Variants in PTPRD observed in about 807,000 individuals in gnomAD.
The protein encoded by PTPRD is receptor-type tyrosine-protein phosphatase delta.
In PTPRD, 34 loss-of-function variants were observed where a neutral mutation model predicts 214.5. The observed-to-expected ratio is 0.16, with a 90% CI of 0.12 to 0.21. The LOEUF (loss-of-function observed/expected upper bound fraction) is 0.21. PTPRD is among the 10% of genes least tolerant of loss of function. The probability of loss-of-function intolerance (pLI) is 1.00; values close to 1 mark genes in which losing one functional copy is unlikely to be tolerated. For synonymous variants in PTPRD, 1,128 were observed against 845.7 expected (o/e 1.33, Z -5.79); for missense variants, 2,545 against 2,398.7 (o/e 1.06, Z -1.27).
At chr9:8,965,812 A>T (rs2099190454) in intron 11 of PTPRD, among the ~76,000 whole-genome samples, 2 of 152,192 alleles carry the variant, frequency 1.3e-5, no homozygotes, top group Non-Finnish European at 2.9e-5. Context: ...ATAAAGAAAT[A>T]AAAGGCATCC....
intron 4 of PTPRD, among the ~76,000 whole-genome samples, chr9:9,967,410 C>T (rs2094780885): frequency 1.3e-5 from 2 of 152,108 alleles, no homozygotes; most frequent in Admixed American, 1.3e-4. Context: ...AGCCTCTTCC[C>T]ATCCTGTTTT....
At chr9:9,615,804 A>G (rs1281643687) in intron 7 of PTPRD, among the ~76,000 whole-genome samples, 1 of 152,308 alleles carries the variant, frequency 6.6e-6, no homozygotes, top group Non-Finnish European at 1.5e-5. Flanking sequence ...TCCACATTTT[A>G]CAGATGAAGT....
At chr9:9,172,335 A>G (rs943844628) in intron 10 of PTPRD, among the ~76,000 whole-genome samples, 1 of 152,184 alleles carries the variant, frequency 6.6e-6, no homozygotes, top group African/African-American at 2.4e-5. Flanking sequence ...AATAAAGTCA[A>G]CAATGACACA....
At chr9:9,078,089 A>T (rs1404213910) in intron 10 of PTPRD, among the ~76,000 whole-genome samples, 1 of 152,128 alleles carries the variant, frequency 6.6e-6, no homozygotes, top group Non-Finnish European at 1.5e-5. Context: ...AGACCTTCAT[A>T]TAACATTTGA....
At chr9:10,445,338 G>T (rs905163013) in intron 2 of PTPRD, among the ~76,000 whole-genome samples, 1 of 152,026 alleles carries the variant, frequency 6.6e-6, no homozygotes, top group African/African-American at 2.4e-5. Context: ...AATGTTGTTG[G>T]AGTTGCATTT....
intron 14 of PTPRD, among the ~76,000 whole-genome samples, chr9:8,603,170 T>A (rs2154279187): frequency 6.6e-6 from 1 of 152,360 alleles, no homozygotes; most frequent in African/African-American, 2.4e-5. Context: ...AAACTTGCAT[T>A]GACTTCAGAG....
intron 11 of PTPRD, among the ~76,000 whole-genome samples, chr9:8,852,915 G>C (rs1455864923): frequency 6.6e-6 from 1 of 152,170 alleles, no homozygotes; most frequent in Non-Finnish European, 1.5e-5. Context: ...AGGGAGGAGG[G>C]AGGCACTGCA....
intron 5 of PTPRD, among the ~76,000 whole-genome samples, chr9:9,871,834 G>T (rs1018306022): frequency 1.3e-5 from 2 of 152,144 alleles, no homozygotes; most frequent in East Asian, 1.9e-4. Context: ...GGGCCTGGGG[G>T]GAGGGGTTGG....
chr9:9,012,159 C>G (rs1262533094), intron 11 of PTPRD, among the ~76,000 whole-genome samples: 3 of 152,092 alleles, frequency 2.0e-5, no homozygotes, highest in Non-Finnish European at 4.4e-5. Flanking sequence ...CAGCCAAAGC[C>G]AAAGCCCTCA....
intron 10 of PTPRD, among the ~76,000 whole-genome samples, chr9:9,126,961 C>T (rs1461675143): frequency 6.6e-6 from 1 of 151,834 alleles, no homozygotes; most frequent in Non-Finnish European, 1.5e-5. Context: ...GAACAGGATG[C>T]CATCCCATCG....
At chr9:8,837,552 G>C (rs1341318200) in intron 11 of PTPRD, among the ~76,000 whole-genome samples, 1 of 152,184 alleles carries the variant, frequency 6.6e-6, no homozygotes, top group Middle Eastern at 3.4e-3. Context: ...GCCCAGACTG[G>C]AGTACAGTAG....
rs1330821573 is a variant in PTPRD, at chr9:8,549,350, T to C, written c.353-20571A>G. On this transcript the variant is annotated intron_variant, in intron 14 of 45. Coordinates refer to ENST00000381196, the MANE Select transcript of PTPRD (RefSeq NM_002839.4). ...CAGCAGGCAGGGATGATGTCACTAATATAAAAGACACAAGAAGAGACAGAG... is the reference window on the plus strand; with the variant it reads ...CAGCAGGCAGGGATGATGTCACTAACATAAAAGACACAAGAAGAGACAGAG... Among the ~76,000 whole-genome samples, 3 of 152,190 alleles carry C rather than the reference T, an allele frequency of 2.0e-5. No homozygotes were observed. In the East Asian group the frequency reaches 5.8e-4, roughly 29 times the overall value.
intron 8 of PTPRD, among the ~76,000 whole-genome samples, chr9:9,559,107 C>T (rs146131427): frequency 1.3e-5 from 2 of 152,234 alleles, no homozygotes; most frequent in African/African-American, 4.8e-5. Flanking sequence ...TGTAGCCTGT[C>T]CTGCCACACT....
rs1590952045 is a variant in PTPRD at position 9,533,911 on chromosome 9, T to G, written c.-237+40821A>C. ...ATACTTTTCCATATTTATCTCCTTT[T>G]TACTGTATCCTTACTTAAGATGTAA... On this transcript the variant is annotated intron_variant, in intron 8 of 45. Transcript: ENST00000381196. 2.6e-5 allele frequency among the ~76,000 whole-genome samples: 4 copies of G among 152,200 alleles called. No homozygotes were observed. In the South Asian group the frequency reaches 8.3e-4, roughly 31 times the overall value.
At chr9:10,270,722 CA>C (rs2094369880) in intron 3 of PTPRD, among the ~76,000 whole-genome samples, 1 of 152,132 alleles carries the variant, frequency 6.6e-6, no homozygotes, top group African/African-American at 2.4e-5. Flanking sequence ...GACTTGAATG[CA>C]TTATTTCTTT....
At chr9:8,821,277 C>A (rs2097056689) in intron 11 of PTPRD, among the ~76,000 whole-genome samples, 1 of 145,850 alleles carries the variant, frequency 6.9e-6, no homozygotes, top group Non-Finnish European at 1.5e-5. Context: ...ACAGCCACCT[C>A]TCTCTCTCTC....
At chr9:8,478,201 C>G (rs1322417947) in intron 30 of PTPRD, among the ~76,000 whole-genome samples, 14 of 152,210 alleles carry the variant, frequency 9.2e-5, no homozygotes, top group Admixed American at 5.2e-4. Context: ...ACCTAATATC[C>G]TCAGTAAATT....
At chr9:10,291,268 G>A (rs2095520173) in intron 3 of PTPRD, among the ~76,000 whole-genome samples, 1 of 152,026 alleles carries the variant, frequency 6.6e-6, no homozygotes, top group South Asian at 2.1e-4. Context: ...TGAGGACAAA[G>A]TCAACCAGAT....
At chr9:8,425,095 C>G (rs993339701) in intron 35 of PTPRD, among the ~76,000 whole-genome samples, 1 of 152,132 alleles carries the variant, frequency 6.6e-6, no homozygotes, top group African/African-American at 2.4e-5. Context: ...AGTAGAAAAA[C>G]CATGACAAAT....
Sources: allele counts gnomAD v4.1 joint callset (sites outside exome capture counted in the v4.1 genomes callset), GRCh38; gene constraint gnomAD v4.1.1; transcripts MANE v1.5; gene names NCBI Gene and HGNC (gene_info 2026-07-23, HGNC 2026-07-21).